LYN: variants seen among roughly 807,000 people sequenced by gnomAD.
LYN encodes LYN proto-oncogene, Src family tyrosine kinase.
A neutral mutation model predicts 65.0 loss-of-function variants in LYN; 12 were observed. The observed-to-expected ratio is 0.18, with a 90% CI of 0.12 to 0.30. The LOEUF (loss-of-function observed/expected upper bound fraction) is 0.30. Among genes scored for constraint, LYN ranks in the 10% least tolerant of loss-of-function variants. LYN has a pLI of 1.00. For synonymous variants in LYN, 222 were observed against 221.2 expected (o/e 1.00, Z -0.03); for missense variants, 380 against 623.2 (o/e 0.61, Z 4.16).
chr8:55,970,608 C>T (rs1807584896), intron 10 of LYN, among the ~76,000 whole-genome samples: 2 of 152,074 alleles, frequency 1.3e-5, no homozygotes, highest in Admixed American at 1.3e-4. Context: ...CTTCCTTTTT[C>T]ACTGCCACTT....
intron 1 of LYN, among the ~76,000 whole-genome samples, chr8:55,880,839 T>C (rs949099945): frequency 1.3e-5 from 2 of 152,248 alleles, no homozygotes; most frequent in Non-Finnish European, 2.9e-5. Context: ...AGTTCCCACT[T>C]TCCTGCATTC....
intron 10 of LYN, among the ~76,000 whole-genome samples, chr8:55,992,818 C>A (rs2667974): frequency 0.26 from 40,233 of 151,936 alleles, 5,783 homozygotes; most frequent in African/African-American, 0.35. Context: ...TGGAAGGGCA[C>A]AAAAAGGGTC....
At position 56,011,012 on chromosome 8, in the gene LYN, A is replaced by ACAT. The variant is rs1808800970; in HGVS notation, c.*903_*905dup. 4.3e-6 allele frequency: 1 copy of ACAT among 232,454 alleles called. No individual in the cohort carries two copies. Among genetic ancestry groups the ACAT allele is most frequent in the Non-Finnish European group, 8.5e-6 (1 of 117,680 alleles). 14.4% of individuals were successfully genotyped at this position (232,454 alleles called of 1,614,324 possible). On this transcript the variant is annotated 3_prime_UTR_variant, in exon 13 of 13. Transcript: ENST00000519728. Reference sequence around the variant, plus strand: ...GAAGAACCTTATAGGGCCTTCTAAAACATAAGAGTTTCCTTTGTTGCTTCA... The same window carrying ACAT: ...GAAGAACCTTATAGGGCCTTCTAAAACATCATAAGAGTTTCCTTTGTTGCTTCA...
chr8:55,935,110 C>T (rs1292705414), intron 1 of LYN, among the ~76,000 whole-genome samples: 1 of 152,172 alleles, frequency 6.6e-6, no homozygotes, highest in Non-Finnish European at 1.5e-5. Flanking sequence ...GGATTCCCGG[C>T]ACCGAAACAG....
intron 1 of LYN, among the ~76,000 whole-genome samples, chr8:55,921,245 C>T (rs1805939424): frequency 6.6e-6 from 1 of 152,194 alleles, no homozygotes; most frequent in Non-Finnish European, 1.5e-5. Flanking sequence ...TTTCTAAGTT[C>T]ACTTTAATTC....
At chr8:55,999,097 T>C (rs1264541896) in intron 11 of LYN, among the ~76,000 whole-genome samples, 1 of 152,188 alleles carries the variant, frequency 6.6e-6, no homozygotes, top group Admixed American at 6.5e-5. Flanking sequence ...GCCCACGTGG[T>C]TATGACTGAG....
chr8:55,985,609 AT>A (rs1442749671), intron 10 of LYN, among the ~76,000 whole-genome samples: 1 of 152,106 alleles, frequency 6.6e-6, no homozygotes, highest in Non-Finnish European at 1.5e-5. Flanking sequence ...TCTTTAAGGT[AT>A]TTTGTCTTAG....
At chr8:55,941,808 C>T in intron 1 of LYN, 47 bp from the exon 2 acceptor site, 2 of 1,470,942 alleles carry the variant, frequency 1.4e-6, no homozygotes, top group South Asian at 1.2e-5. Context: ...TGGCTTGAAG[C>T]AGTTCTGGAA....
Position 55,934,380 on chromosome 8 carries a change from T to G in LYN, c.-5-7475T>G, listed in dbSNP as rs10103164. Among the ~76,000 whole-genome samples the G allele has an allele frequency of 6.4e-3, 975 of 152,376 alleles. 8 individuals are homozygous for G. The highest frequency in any genetic ancestry group is 0.022 in the African/African-American group (924 of 41,580). Reference sequence around the variant, plus strand: ...TTCTTCTTCTTACCCGCTACTCCTTTGCAATCTTGTGTTTAGGTAGGTACA... The same window carrying G: ...TTCTTCTTCTTACCCGCTACTCCTTGGCAATCTTGTGTTTAGGTAGGTACA... On this transcript the variant is annotated intron_variant, in intron 1 of 12. Transcript: ENST00000519728.
intron 4 of LYN, 91 bp downstream of exon 4, chr8:55,947,814 C>A: frequency 2.3e-6 from 2 of 873,310 alleles, no homozygotes; most frequent in Non-Finnish European, 3.8e-6. Context: ...GGTGCTACAG[C>A]CATAGCCCGG....
At chr8:55,932,950 G>A (rs918761954) in intron 1 of LYN, among the ~76,000 whole-genome samples, 1 of 152,076 alleles carries the variant, frequency 6.6e-6, no homozygotes, top group Non-Finnish European at 1.5e-5. Flanking sequence ...CAATAGACAC[G>A]GGAGACTACT....
intron 9 of LYN, among the ~76,000 whole-genome samples, chr8:55,967,318 TTTTTTTTTTTTTTG>T (rs1404899035): frequency 1.8e-5 from 2 of 109,516 alleles, no homozygotes; most frequent in South Asian, 2.8e-4. Flanking sequence ...TTTTTTTTTT[TTTTTTTTTTTTTTG>T]GAAACAGAGT....
chr8:55,963,263 C>A (rs1244048040), intron 8 of LYN, among the ~76,000 whole-genome samples: 6 of 152,272 alleles, frequency 3.9e-5, no homozygotes, highest in Non-Finnish European at 7.3e-5. Flanking sequence ...GTGTATGAAT[C>A]TTCAGCTCTT....
intron 10 of LYN, among the ~76,000 whole-genome samples, chr8:55,979,288 C>T (rs908013217): frequency 4.6e-5 from 7 of 152,102 alleles, no homozygotes; most frequent in East Asian, 1.9e-4. Flanking sequence ...GTGATCCACC[C>T]GCCTCGGCCT....
intron 8 of LYN, among the ~76,000 whole-genome samples, chr8:55,964,495 CT>C (rs1406230778): frequency 1.3e-5 from 2 of 152,134 alleles, no homozygotes; most frequent in East Asian, 3.8e-4. Flanking sequence ...TATAAATAAA[CT>C]TTTTATTATT....
intron 10 of LYN, among the ~76,000 whole-genome samples, chr8:55,979,993 G>C (rs1484852119): frequency 6.6e-6 from 1 of 152,138 alleles, no homozygotes; most frequent in African/African-American, 2.4e-5. Context: ...CCCTCCAGAG[G>C]CCCTGCCCCA....
In LYN at chr8:55,883,401, G is replaced by A. The variant is rs116409837; in HGVS notation, c.-6+3298G>A. 8.2e-3 allele frequency among the ~76,000 whole-genome samples: 1,252 copies of A among 152,264 alleles called. 15 individuals are homozygous for A. The highest frequency in any genetic ancestry group is 0.027 in the African/African-American group (1,141 of 41,544). On this transcript the variant is annotated intron_variant, in intron 1 of 12. Transcript: ENST00000519728. ...ACATAGCAGATGCACCATCAAGCTG[G>A]GCACTTCAAGCTGTCTTCTAGAAAT...
chr8:56,004,081 T>C (rs1808608246), intron 12 of LYN, among the ~76,000 whole-genome samples: 1 of 151,124 alleles, frequency 6.6e-6, no homozygotes, highest in African/African-American at 2.4e-5. Context: ...TACAGGCATG[T>C]GCCACCATGC....
At chr8:55,988,075 A>G (rs531296763) in intron 10 of LYN, among the ~76,000 whole-genome samples, 20 of 152,312 alleles carry the variant, frequency 1.3e-4, no homozygotes, top group African/African-American at 4.8e-4. Flanking sequence ...GATCCCAAAA[A>G]AGTAGAGTAC....
Sources: allele counts gnomAD v4.1 joint callset (sites outside exome capture counted in the v4.1 genomes callset), GRCh38; gene constraint gnomAD v4.1.1; transcripts MANE v1.5; gene names NCBI Gene and HGNC (gene_info 2026-07-23, HGNC 2026-07-21).